Variants in UGGT2 observed in about 807,000 individuals in gnomAD.
The protein encoded by UGGT2 is UDP-glucose:glycoprotein glucosyltransferase 2.
A neutral mutation model predicts 192.1 loss-of-function variants in UGGT2; 180 were observed. That is an observed-to-expected ratio of 0.94 (90% CI 0.83 to 1.06). UGGT2 has a LOEUF of 1.06. Among genes scored for constraint, UGGT2 ranks in the 50% least tolerant of loss-of-function variants. The pLI is 0.00. For synonymous variants in UGGT2, 580 were observed against 591.0 expected (o/e 0.98, Z 0.27); for missense variants, 1,849 against 1,795.7 (o/e 1.03, Z -0.54).
At chr13:95,904,589 C>T (rs1189340123) in intron 20 of UGGT2, among the ~76,000 whole-genome samples, 2 of 151,696 alleles carry the variant, frequency 1.3e-5, no homozygotes, top group Admixed American at 6.6e-5. Flanking sequence ...AATGATGTTT[C>T]CCAATTTCAT....
At chr13:95,940,333 C>T (rs1008061122) in intron 15 of UGGT2, among the ~76,000 whole-genome samples, 1 of 151,604 alleles carries the variant, frequency 6.6e-6, no homozygotes. Context: ...TTGATGAAAC[C>T]AGACACCATT....
chr13:95,942,342 T>A (rs2049720956), intron 15 of UGGT2, among the ~76,000 whole-genome samples: 1 of 151,948 alleles, frequency 6.6e-6, no homozygotes, highest in African/African-American at 2.4e-5. Flanking sequence ...TCAGTGTGGC[T>A]CTGCCAGTTT....
intron 12 of UGGT2, among the ~76,000 whole-genome samples, chr13:95,956,760 A>T (rs1485067313): frequency 1.3e-5 from 2 of 152,238 alleles, no homozygotes; most frequent in Admixed American, 6.5e-5. Flanking sequence ...TGTGAAAAAC[A>T]GTTTGGCAGT....
At chr13:95,885,355 G>A (rs1394165316) in intron 26 of UGGT2, among the ~76,000 whole-genome samples, 1 of 152,130 alleles carries the variant, frequency 6.6e-6, no homozygotes, top group African/African-American at 2.4e-5. Context: ...CTACTTCCAG[G>A]TTCTTCTAGT....
chr13:96,003,210 C>G (rs976641506), intron 5 of UGGT2, among the ~76,000 whole-genome samples: 1 of 152,142 alleles, frequency 6.6e-6, no homozygotes, highest in Admixed American at 6.5e-5. Context: ...TGGATTGATA[C>G]TGGTACACAG....
At chr13:96,052,711 G>A (rs1566865812) in intron 1 of UGGT2, among the ~76,000 whole-genome samples, 1 of 152,166 alleles carries the variant, frequency 6.6e-6, no homozygotes, top group Non-Finnish European at 1.5e-5. Flanking sequence ...TAATTCCGTT[G>A]GAAGAGATAC....
At chr13:95,997,147 C>G (rs886821193) in intron 6 of UGGT2, among the ~76,000 whole-genome samples, 7 of 152,130 alleles carry the variant, frequency 4.6e-5, no homozygotes, top group African/African-American at 1.7e-4. Context: ...CTTGTTTGTT[C>G]ATTCATTCAT....
chr13:95,950,593 A>AG (rs906015755), intron 12 of UGGT2, among the ~76,000 whole-genome samples: 5 of 21,650 alleles, frequency 2.3e-4, no homozygotes, highest in African/African-American at 5.0e-4. Flanking sequence ...GAAATGAAAC[A>AG]GGAAAAAAAA....
chr13:95,840,904 T>C (rs1487708897), intron 36 of UGGT2, among the ~76,000 whole-genome samples: 2 of 152,188 alleles, frequency 1.3e-5, no homozygotes, highest in Non-Finnish European at 2.9e-5. Context: ...CTTTGCAGGA[T>C]ATGGATGAAG....
intron 38 of UGGT2, among the ~76,000 whole-genome samples, chr13:95,831,809 GT>G (rs1206415382): frequency 6.6e-6 from 1 of 151,828 alleles, no homozygotes; most frequent in Admixed American, 6.6e-5. Flanking sequence ...AGAAAAAGAT[GT>G]TTTTTGTTGA....
intron 38 of UGGT2, among the ~76,000 whole-genome samples, chr13:95,828,310 T>C (rs879237852): frequency 6.6e-6 from 1 of 151,590 alleles, no homozygotes; most frequent in Non-Finnish European, 1.5e-5. Flanking sequence ...AGACAAGAAA[T>C]AACTAAGATC....
intron 38 of UGGT2, among the ~76,000 whole-genome samples, chr13:95,804,174 A>T (rs944058402): frequency 1.3e-5 from 2 of 152,184 alleles, no homozygotes; most frequent in Admixed American, 1.3e-4. Flanking sequence ...TAAGTACAAA[A>T]GATCTATAGG....
Position 95,996,137 on chromosome 13 carries a change from T to C in UGGT2, c.758-2A>G, listed in dbSNP as rs146071126. 8.7e-6 allele frequency: 14 copies of C among 1,603,768 alleles called. No homozygotes were observed. The highest frequency in any genetic ancestry group is 1.8e-5 in the Admixed American group (1 of 57,058). On this transcript the variant is annotated splice_acceptor_variant, in intron 6 of 38. Transcript: ENST00000376747. LOFTEE classifies it high-confidence loss of function. The stretch of plus-strand genomic sequence containing the variant: ...CCTCTACAGTAGTATTAGTCACAGC[T>C]ACATTTTGGAAACAAAACCAAAAAA...
chr13:95,942,459 G>A (rs2049723685), intron 15 of UGGT2, among the ~76,000 whole-genome samples: 1 of 151,946 alleles, frequency 6.6e-6, no homozygotes, highest in African/African-American at 2.4e-5. Flanking sequence ...CCAAATTACA[G>A]GGTATAAAAT....
At chr13:95,936,165 G>T (rs1270072692) in intron 17 of UGGT2, among the ~76,000 whole-genome samples, 1 of 152,194 alleles carries the variant, frequency 6.6e-6, no homozygotes, top group Non-Finnish European at 1.5e-5. Flanking sequence ...ACTGGGTTAG[G>T]TCAAAAGACT....
At chr13:95,850,072 G>A (rs1888882697) in intron 36 of UGGT2, among the ~76,000 whole-genome samples, 1 of 151,146 alleles carries the variant, frequency 6.6e-6, no homozygotes, top group Admixed American at 6.6e-5. Flanking sequence ...GGTTTTAACT[G>A]TTTTTTTCCC....
chr13:95,927,470 CTTTT>C (rs869027577), intron 17 of UGGT2, 134 bp from the exon 18 acceptor site: 173 of 243,148 alleles, frequency 7.1e-4, no homozygotes, highest in African/African-American at 1.0e-3. Flanking sequence ...CATTTTCTTT[CTTTT>C]TTTTTTTTTT....
chr13:95,877,804 C>T lies in UGGT2; in HGVS notation c.3281G>A (p.Gly1094Glu). Residue 1094 changes from glycine to glutamate, a missense_variant, in exon 28 of 39, where the codon GGA becomes GAA. Physicochemically the swap from Gly to Glu is moderately conservative, Grantham distance 98 (BLOSUM62 -2). Transcript: ENST00000376747. ...TTCTGTCACTTTATCAAAGCATTGT[C>T]CTTCCAGTAGTAAGTATTCTAGTTC... ...EYELEYLLLE[G>E]QCFDKVTEQP... 1 of 1,613,966 alleles carries T rather than the reference C, an allele frequency of 6.2e-7. No homozygotes were observed. Among genetic ancestry groups the T allele is most frequent in the Middle Eastern group, 1.7e-4 (1 of 6,060 alleles).
rs1465997589 is a variant in UGGT2, at chr13:95,945,169, T to G, written c.1677+1868A>C. Among the ~76,000 whole-genome samples the G allele has an allele frequency of 3.3e-5, 5 of 152,188 alleles. No homozygotes were observed. The East Asian group carries it at 7.7e-4, about 23-fold the overall frequency. The stretch of plus-strand genomic sequence containing the variant: ...TGGATTAACTTTAATATTTGCTATT[T>G]GTTATCACATTTCAATAACTTCCAT... On this transcript the variant is annotated intron_variant, in intron 15 of 38. Transcript: ENST00000376747.
Sources: gnomAD v4.1 joint callset for allele counts (sites outside exome capture counted in the v4.1 genomes callset) on GRCh38, gnomAD v4.1.1 for gene constraint, MANE v1.5 for transcripts, NCBI Gene and HGNC (gene_info 2026-07-23, HGNC 2026-07-21) for gene names.